AGBL4: variants seen among roughly 807,000 people sequenced by gnomAD.
AGBL4 encodes the protein cytosolic carboxypeptidase 6.
In AGBL4, 58 loss-of-function variants were observed where a neutral mutation model predicts 66.4. The ratio of observed to expected loss-of-function variants is 0.87; its 90% CI spans 0.71 to 1.09. The LOEUF is 1.09. AGBL4 is among the 50% of genes least tolerant of loss of function. AGBL4 has a pLI of 0.00. For missense variants in AGBL4, 579 were observed against 631.0 expected (o/e 0.92, Z 0.88); for synonymous variants, 234 against 222.9 (o/e 1.05, Z -0.44).
intron 1 of AGBL4, among the ~76,000 whole-genome samples, chr1:49,854,558 A>G (rs747228819): frequency 3.7e-4 from 57 of 152,072 alleles, no homozygotes; most frequent in Non-Finnish European, 2.6e-4. Context: ...CAGGTGCAAC[A>G]TGGCACCATT....
chr1:49,489,040 G>A (rs571881919), intron 3 of AGBL4, among the ~76,000 whole-genome samples: 1 of 151,830 alleles, frequency 6.6e-6, no homozygotes, highest in African/African-American at 2.4e-5. Flanking sequence ...TATCTTTTCG[G>A]TATATATCTA....
At chr1:48,527,613 TAAAC>T in the AGBL4 span, among the ~76,000 whole-genome samples, 31 of 150,754 alleles carry the variant, frequency 2.1e-4, no homozygotes, top group Admixed American at 1.9e-3. Flanking sequence ...AAAAAATTGA[TAAAC>T]AGATGAATAA....
intron 3 of AGBL4, among the ~76,000 whole-genome samples, chr1:49,260,978 T>A (rs906554090): frequency 2.3e-4 from 34 of 149,798 alleles, no homozygotes; most frequent in African/African-American, 7.6e-4. Flanking sequence ...GTGGGCTTCA[T>A]CCCTGCGATG....
chr1:49,612,645 A>G (rs1645176337), intron 3 of AGBL4, among the ~76,000 whole-genome samples: 1 of 152,220 alleles, frequency 6.6e-6, no homozygotes, highest in African/African-American at 2.4e-5. Context: ...ATCACTAAAC[A>G]TTAGAGAAAT....
intron 3 of AGBL4, among the ~76,000 whole-genome samples, chr1:49,394,875 C>G (rs1644922578): frequency 6.6e-6 from 1 of 152,160 alleles, no homozygotes; most frequent in Non-Finnish European, 1.5e-5. Flanking sequence ...CACAGAAAAT[C>G]AGGTGTTTAT....
At chr1:49,189,829 A>G (rs1432579831) in intron 4 of AGBL4, among the ~76,000 whole-genome samples, 3 of 152,178 alleles carry the variant, frequency 2.0e-5, no homozygotes, top group Non-Finnish European at 4.4e-5. Flanking sequence ...TCCAAAATTT[A>G]CTGATGGAGG....
At chr1:49,548,256 C>T (rs1037198919) in intron 3 of AGBL4, among the ~76,000 whole-genome samples, 5 of 152,100 alleles carry the variant, frequency 3.3e-5, no homozygotes, top group African/African-American at 4.8e-5. Flanking sequence ...AAACAGTGAC[C>T]GTTTGACTTC....
intron 6 of AGBL4, among the ~76,000 whole-genome samples, chr1:48,748,162 G>C (rs2148617845): frequency 6.6e-6 from 1 of 152,328 alleles, no homozygotes; most frequent in Non-Finnish European, 1.5e-5. Context: ...TAACAATGAA[G>C]GAGTTAAACA....
chr1:49,562,721 A>G (rs1325377572), intron 3 of AGBL4, among the ~76,000 whole-genome samples: 1 of 152,032 alleles, frequency 6.6e-6, no homozygotes, highest in East Asian at 1.9e-4. Flanking sequence ...GCCTTGTAGT[A>G]TAGTTTGAAG....
At chr1:49,838,161 G>T (rs1346686200) in intron 2 of AGBL4, among the ~76,000 whole-genome samples, 1 of 152,314 alleles carries the variant, frequency 6.6e-6, no homozygotes, top group Admixed American at 6.5e-5. Context: ...TAACAACAGT[G>T]AGAAGTGTCT....
At chr1:49,411,874 G>A (rs933747622) in intron 3 of AGBL4, among the ~76,000 whole-genome samples, 9 of 152,144 alleles carry the variant, frequency 5.9e-5, no homozygotes, top group African/African-American at 1.4e-4. Flanking sequence ...GTCTGAATGA[G>A]GGCAGTGGCA....
At chr1:48,914,633 T>C (rs796575083) in intron 5 of AGBL4, among the ~76,000 whole-genome samples, 7 of 152,326 alleles carry the variant, frequency 4.6e-5, no homozygotes, top group Admixed American at 1.3e-4. Context: ...AAATGTTCTT[T>C]TGTTCATTCT....
intron 6 of AGBL4, among the ~76,000 whole-genome samples, chr1:48,841,425 G>C (rs1027883988): frequency 4.6e-4 from 56 of 122,710 alleles, no homozygotes; most frequent in African/African-American, 1.8e-3. Flanking sequence ...AAAAAAAGAA[G>C]AGAGAGAAGG....
At chr1:48,942,721 A>C (rs959067045) in intron 5 of AGBL4, among the ~76,000 whole-genome samples, 5 of 152,158 alleles carry the variant, frequency 3.3e-5, no homozygotes, top group Admixed American at 3.3e-4. Flanking sequence ...AGTGAGAAAA[A>C]AATTAGGGCT....
At chr1:48,877,259 T>C (rs1300383509) in intron 5 of AGBL4, among the ~76,000 whole-genome samples, 1 of 152,188 alleles carries the variant, frequency 6.6e-6, no homozygotes, top group Non-Finnish European at 1.5e-5. Context: ...AAATATTTAG[T>C]TCGTAATTAG....
chr1:48,648,571 T>C (rs527953090), intron 8 of AGBL4, among the ~76,000 whole-genome samples: 2 of 152,288 alleles, frequency 1.3e-5, no homozygotes, highest in African/African-American at 4.8e-5. Context: ...CTTCTGCCTA[T>C]AGCTTATAGA....
chr1:49,701,660 G>A (rs1647096601), intron 2 of AGBL4, among the ~76,000 whole-genome samples: 1 of 151,874 alleles, frequency 6.6e-6, no homozygotes, highest in Non-Finnish European at 1.5e-5. Context: ...ATGACATAGA[G>A]AATAGAAAAC....
intron 1 of AGBL4, among the ~76,000 whole-genome samples, chr1:49,969,545 G>A (rs1657875146): frequency 6.6e-6 from 1 of 151,632 alleles, no homozygotes; most frequent in Non-Finnish European, 1.5e-5. Flanking sequence ...CACATCCCCT[G>A]GTAACCACCA....
chr1:49,665,834 CAAATT>C (rs1255844575), intron 3 of AGBL4, among the ~76,000 whole-genome samples: 2 of 151,460 alleles, frequency 1.3e-5, no homozygotes, highest in Non-Finnish European at 2.9e-5. Flanking sequence ...TGGTTTTTAA[CAAATT>C]AAATTAACAC....
Sources: gnomAD v4.1 joint callset for allele counts (sites outside exome capture counted in the v4.1 genomes callset) on GRCh38, gnomAD v4.1.1 for gene constraint, MANE v1.5 for transcripts, NCBI Gene and HGNC (gene_info 2026-07-23, HGNC 2026-07-21) for gene names.